The following RB1CC1 variants were observed in gnomAD, a reference collection of about 807,000 sequenced individuals.
RB1CC1 encodes the protein RB1 inducible coiled-coil 1, also known as RB1-inducible coiled-coil protein 1.
Under a neutral mutation model 177.5 loss-of-function variants are expected in RB1CC1, and 46 were observed. The ratio of observed to expected loss-of-function variants is 0.26; its 90% CI spans 0.20 to 0.33. The LOEUF (loss-of-function observed/expected upper bound fraction) is 0.33, where lower values mean the gene tolerates loss of function less well. Ranked by LOEUF, RB1CC1 falls within the 10% of genes least tolerant of loss-of-function variation. RB1CC1 has a pLI of 1.00. For missense variants in RB1CC1, 1,703 were observed against 1,816.3 expected, an observed-to-expected ratio of 0.94 and a Z score of 1.13; for synonymous variants, 666 against 613.6, an observed-to-expected ratio of 1.09 and a Z score of -1.26.
At chr8:52,637,622 G>C (rs1034077934) in intron 18 of RB1CC1, among the ~76,000 whole-genome samples, 2 of 151,928 alleles carry the variant, frequency 1.3e-5, no homozygotes, top group Admixed American at 6.6e-5. Context: ...GGCTATGTAT[G>C]CAAATAGTGT....
intron 20 of RB1CC1, 106 bp from the exon 21 acceptor site, chr8:52,630,634 C>A: frequency 8.9e-7 from 1 of 1,121,064 alleles, no homozygotes; most frequent in Non-Finnish European, 1.2e-6. Flanking sequence ...CTGTGTCCAG[C>A]TTTAAAGAGC....
intron 1 of RB1CC1, among the ~76,000 whole-genome samples, chr8:52,705,259 C>A (rs1440648776): frequency 6.6e-6 from 1 of 152,210 alleles, no homozygotes; most frequent in South Asian, 2.1e-4. Flanking sequence ...TGTATCTATA[C>A]AATAATGGTG....
chr8:52,674,744 C>T (rs1852936142), intron 6 of RB1CC1, among the ~76,000 whole-genome samples: 1 of 148,568 alleles, frequency 6.7e-6, no homozygotes, highest in South Asian at 2.1e-4. Context: ...CTCCAGCCGC[C>T]TGGGTGACAG....
At chr8:52,684,054 G>T in intron 3 of RB1CC1, 41 bp from the exon 4 acceptor site, 2 of 1,575,802 alleles carry the variant, frequency 1.3e-6, no homozygotes, top group Non-Finnish European at 1.7e-6. Flanking sequence ...GTTTATATTT[G>T]CCCAATGACT....
rs34701924 is a variant in RB1CC1 at position 52,645,747 on chromosome 8, A to T, written c.3942T>A (p.Asn1314Lys). 8.8e-3 allele frequency: 14,200 copies of T among 1,612,838 alleles called. 76 individuals carry two copies. The highest frequency in any genetic ancestry group is 0.01 in the Non-Finnish European group (12,005 of 1,179,544). ...EQLEEQEKRK[N>K]EEMQNVRTSL... ...ATGTTCGAACATTTTGCATTTCTTC[A>T]TTCTTTCTTTTTTCTTGCTCTTCAA... Residue 1314 changes from asparagine (N) to lysine (K), a missense_variant, in exon 16 of 24, where the codon AAT becomes AAA. By Grantham distance (94) the Asn-to-Lys change is moderately conservative. This residue lies in a region of RB1CC1 where 1,169 missense variants were observed against 1,184.7 expected (regional missense o/e 0.99). Coordinates refer to ENST00000025008, the MANE Select transcript of RB1CC1 (RefSeq NM_014781.5).
chr8:52,660,866 C>T, intron 11 of RB1CC1, 60 bp downstream of exon 11: 2 of 1,426,228 alleles, frequency 1.4e-6, no homozygotes, highest in African/African-American at 1.5e-5. Context: ...ACAGAAAATC[C>T]AAGCTTATAA....
At chr8:52,661,417 A>G (rs1311624462) in intron 9 of RB1CC1, 118 bp downstream of exon 9, 13 of 1,453,784 alleles carry the variant, frequency 8.9e-6, no homozygotes, top group Non-Finnish European at 1.2e-5. Flanking sequence ...CTAATTCCAA[A>G]GTTCATCAAT....
chr8:52,691,517 TA>T (rs2150636896), intron 1 of RB1CC1, among the ~76,000 whole-genome samples: 1 of 152,324 alleles, frequency 6.6e-6, no homozygotes, highest in Non-Finnish European at 1.5e-5. Flanking sequence ...GAACCTAGGT[TA>T]AAATTAATTT....
At chr8:52,630,671 T>C (rs1848690818) in intron 20 of RB1CC1, 143 bp from the exon 21 acceptor site, 1 of 733,434 alleles carries the variant, frequency 1.4e-6, no homozygotes, top group Non-Finnish European at 1.9e-6. Context: ...CTTATGTTCA[T>C]TAATAATTCC....
intron 7 of RB1CC1, among the ~76,000 whole-genome samples, chr8:52,668,894 T>A (rs1218258236): frequency 1.3e-5 from 2 of 152,198 alleles, no homozygotes; most frequent in East Asian, 3.8e-4. Flanking sequence ...TCTGGGAAGT[T>A]ACTTCTACTG....
chr8:52,634,596 A>T (rs574170373), intron 20 of RB1CC1, among the ~76,000 whole-genome samples: 1 of 152,284 alleles, frequency 6.6e-6, no homozygotes, highest in East Asian at 1.9e-4. Flanking sequence ...TCTTCAAAAG[A>T]CTTATGAAAC....
intron 8 of RB1CC1, among the ~76,000 whole-genome samples, chr8:52,665,350 T>C (rs1404114239): frequency 1.3e-5 from 2 of 152,192 alleles, no homozygotes; most frequent in East Asian, 1.9e-4. Context: ...TCTTACTTAC[T>C]GGAAGTGTTG....
At chr8:52,653,163 A>G (rs1460123421) in intron 15 of RB1CC1, among the ~76,000 whole-genome samples, 1 of 152,222 alleles carries the variant, frequency 6.6e-6, no homozygotes, top group African/African-American at 2.4e-5. Context: ...TATTACTTAT[A>G]CCCTCAGAGG....
chr8:52,711,286 C>G (rs1398605194), intron 1 of RB1CC1, among the ~76,000 whole-genome samples: 1 of 152,152 alleles, frequency 6.6e-6, no homozygotes, highest in Non-Finnish European at 1.5e-5. Flanking sequence ...AAAGAAATGC[C>G]ATCCTCTCAG....
chr8:52,643,786 A>T (rs1849776722), intron 16 of RB1CC1, among the ~76,000 whole-genome samples: 1 of 151,992 alleles, frequency 6.6e-6, no homozygotes, highest in Admixed American at 6.6e-5. Flanking sequence ...AATGATCTAA[A>T]CTGACTCTTC....
intron 11 of RB1CC1, 36 bp from the exon 12 acceptor site, chr8:52,660,693 GCTTT>G (rs1851533779): frequency 6.5e-7 from 1 of 1,541,944 alleles, no homozygotes; most frequent in African/African-American, 1.4e-5. Flanking sequence ...TTATTTTAGA[GCTTT>G]ATTTAAGGCA....
intron 1 of RB1CC1, among the ~76,000 whole-genome samples, chr8:52,692,536 A>C (rs918867868): frequency 3.9e-5 from 6 of 152,216 alleles, no homozygotes; most frequent in African/African-American, 1.4e-4. Flanking sequence ...CGCATCATTC[A>C]TATGACAAAA....
chr8:52,641,331 C>G (rs1311682240), intron 18 of RB1CC1, among the ~76,000 whole-genome samples: 2 of 146,944 alleles, frequency 1.4e-5, no homozygotes, highest in Non-Finnish European at 3.0e-5. Flanking sequence ...TTGCAGTGAG[C>G]CGAGATTGTG....
At position 52,661,278 on chromosome 8, in the gene RB1CC1, C is replaced by A; in HGVS notation, c.1362G>T (p.Trp454Cys). Residue 454 changes from tryptophan (W) to cysteine (C), a missense_variant, in exon 10 of 24, where the codon TGG (tryptophan) becomes TGT (cysteine). Trp to Cys is a radical substitution (Grantham distance 215). Coordinates refer to ENST00000025008, the MANE Select transcript of RB1CC1 (RefSeq NM_014781.5). The stretch of plus-strand genomic sequence containing the variant: ...CAGCATGAAGCATTACAAAGCAACA[C>A]CACCTAGAGAATAAAATCCATTATT... Reference protein sequence around the residue: ...LANNLHVRLKWCCFVMLHADQ... With the variant: ...LANNLHVRLKCCCFVMLHADQ... 6.2e-7 allele frequency: 1 copy of A among 1,609,482 alleles called. No individual in the cohort carries two copies. The highest frequency in any genetic ancestry group is 8.5e-7 in the Non-Finnish European group (1 of 1,179,002).
Sources: gnomAD v4.1 joint callset for allele counts (sites outside exome capture counted in the v4.1 genomes callset) on GRCh38, gnomAD v4.1.1 for gene constraint, gnomAD v4.1.1 regional missense constraint, MANE v1.5 for transcripts, NCBI Gene and HGNC (gene_info 2026-07-23, HGNC 2026-07-21) for gene names.